CSMD1: variants seen among roughly 807,000 people sequenced by gnomAD.
The protein encoded by CSMD1 is CUB and sushi domain-containing protein 1.
In CSMD1, 213 loss-of-function variants were observed where a neutral mutation model predicts 417.5. The observed-to-expected ratio is 0.51, with a 90% CI of 0.46 to 0.57. The LOEUF is 0.57. CSMD1 is among the 20% of genes least tolerant of loss of function. CSMD1 has a pLI of 0.00. For missense variants in CSMD1, 6,923 were observed against 4,529.7 expected, an observed-to-expected ratio of 1.53 and a Z score of -15.17; for synonymous variants, 2,862 against 1,736.8, an observed-to-expected ratio of 1.65 and a Z score of -16.11.
intron 2 of CSMD1, among the ~76,000 whole-genome samples, chr8:4,596,786 C>T (rs1800302513): frequency 6.6e-6 from 1 of 152,192 alleles, no homozygotes; most frequent in African/African-American, 2.4e-5. Flanking sequence ...CAAATCTCAA[C>T]TTGAATTCTA....
At chr8:4,031,501 C>T (rs968388127) in intron 4 of CSMD1, among the ~76,000 whole-genome samples, 4 of 152,134 alleles carry the variant, frequency 2.6e-5, no homozygotes, top group African/African-American at 4.8e-5. Context: ...CAATTACCTT[C>T]TACCAGGTTC....
chr8:3,461,793 T>C (rs1816521924), intron 12 of CSMD1, among the ~76,000 whole-genome samples: 1 of 152,190 alleles, frequency 6.6e-6, no homozygotes, highest in Non-Finnish European at 1.5e-5. Context: ...GGGACTCTCT[T>C]ACGTGTGATA....
At chr8:3,087,547 A>G (rs879944895) in intron 48 of CSMD1, among the ~76,000 whole-genome samples, 15 of 152,226 alleles carry the variant, frequency 9.9e-5, no homozygotes, top group Admixed American at 4.6e-4. Flanking sequence ...AGAAACATCA[A>G]GAGTATCCAA....
At chr8:3,951,536 A>G (rs1163824650) in intron 5 of CSMD1, among the ~76,000 whole-genome samples, 1 of 152,198 alleles carries the variant, frequency 6.6e-6, no homozygotes, top group Non-Finnish European at 1.5e-5. Context: ...TGTAAATATG[A>G]TGATCTATCT....
At chr8:3,529,576 G>T (rs973188803) in intron 10 of CSMD1, among the ~76,000 whole-genome samples, 2 of 152,184 alleles carry the variant, frequency 1.3e-5, no homozygotes, top group African/African-American at 4.8e-5. Flanking sequence ...TGGAAGAGTA[G>T]AATCACAGGA....
At chr8:3,459,377 G>C (rs938994742) in intron 12 of CSMD1, among the ~76,000 whole-genome samples, 1 of 152,170 alleles carries the variant, frequency 6.6e-6, no homozygotes, top group Non-Finnish European at 1.5e-5. Flanking sequence ...GAATCGCACG[G>C]TGGATCCTTC....
At chr8:4,415,890 G>C (rs73658854) in intron 3 of CSMD1, among the ~76,000 whole-genome samples, 7,385 of 152,178 alleles carry the variant, frequency 0.049, 597 homozygotes, top group African/African-American at 0.17. Context: ...AGTGTATAAG[G>C]ATTGCAACTT....
At chr8:4,064,336 T>G (rs117757914) in intron 3 of CSMD1, among the ~76,000 whole-genome samples, 4,364 of 152,340 alleles carry the variant, frequency 0.029, 76 homozygotes, top group Middle Eastern at 0.051. Context: ...CATAGTCACC[T>G]GCTCTCTTTC....
chr8:4,936,352 G>C (rs561827823), intron 1 of CSMD1, among the ~76,000 whole-genome samples: 1 of 152,084 alleles, frequency 6.6e-6, no homozygotes, highest in Admixed American at 6.6e-5. Flanking sequence ...ATAGTAAATC[G>C]GCCTGGTTAA....
At chr8:3,118,927 T>A (rs1817025553) in intron 41 of CSMD1, among the ~76,000 whole-genome samples, 1 of 134,770 alleles carries the variant, frequency 7.4e-6, no homozygotes, top group African/African-American at 2.5e-5. Flanking sequence ...ACGCCTGTAA[T>A]CCCAGCACTC....
At chr8:3,956,941 A>G (rs909558274) in intron 5 of CSMD1, among the ~76,000 whole-genome samples, 23 of 152,288 alleles carry the variant, frequency 1.5e-4, no homozygotes, top group African/African-American at 5.3e-4. Context: ...TCTAAAAAGA[A>G]TATTACTTTT....
chr8:3,729,987 T>G (rs1386106544), intron 6 of CSMD1, among the ~76,000 whole-genome samples: 1 of 106,146 alleles, frequency 9.4e-6, no homozygotes, highest in African/African-American at 4.8e-5. Flanking sequence ...GGATACATAA[T>G]AATGTTTCAA....
At chr8:3,186,113 T>A (rs567976627) in intron 36 of CSMD1, among the ~76,000 whole-genome samples, 1 of 152,242 alleles carries the variant, frequency 6.6e-6, no homozygotes, top group South Asian at 2.1e-4. Context: ...ATTTACCAAA[T>A]ATTATTTATA....
chr8:3,846,619 T>C (rs1803521963), intron 5 of CSMD1, among the ~76,000 whole-genome samples: 1 of 150,742 alleles, frequency 6.6e-6, no homozygotes, highest in Non-Finnish European at 1.5e-5. Flanking sequence ...GCAGTTATTA[T>C]CATTAACTCA....
chr8:4,138,635 T>A (rs1266083268), intron 3 of CSMD1, among the ~76,000 whole-genome samples: 1 of 143,126 alleles, frequency 7.0e-6, no homozygotes, highest in Non-Finnish European at 1.6e-5. Context: ...GGAAAAAACA[T>A]CTCTTAAGGT....
chr8:3,328,042 C>A (rs1806647345), intron 23 of CSMD1, among the ~76,000 whole-genome samples: 1 of 152,174 alleles, frequency 6.6e-6, no homozygotes, highest in Admixed American at 6.5e-5. Flanking sequence ...ACTACCCTGT[C>A]CGTCTAAAGC....
intron 4 of CSMD1, among the ~76,000 whole-genome samples, chr8:4,018,055 G>T (rs1210756715): frequency 1.4e-5 from 2 of 146,074 alleles, no homozygotes; most frequent in Admixed American, 1.3e-4. Flanking sequence ...TCACTAGTGT[G>T]GGTATGTATG....
Position 3,108,761 on chromosome 8 carries a change from G to A in CSMD1, c.6609-13C>T, listed in dbSNP as rs1274356681. ...ATCGGGACCGTCCCTAGGAAAGACA[G>A]AAAGAGGTGGCTGGCTAAGGATATT... On this transcript the variant is annotated splice_polypyrimidine_tract_variant and intron_variant, in intron 43 of 69. Coordinates refer to ENST00000635120, the MANE Select transcript of CSMD1 (RefSeq NM_033225.6). 1.2e-6 allele frequency: 2 copies of A among 1,601,648 alleles called. No homozygotes were observed. Among genetic ancestry groups the A allele is most frequent in the South Asian group, 1.1e-5 (1 of 89,594 alleles).
intron 3 of CSMD1, among the ~76,000 whole-genome samples, chr8:4,041,378 G>A (rs1213064412): frequency 6.6e-6 from 1 of 152,056 alleles, no homozygotes; most frequent in African/African-American, 2.4e-5. Context: ...GCAAAACTAT[G>A]ACAAGAATTG....
Sources: gnomAD v4.1 joint callset for allele counts (sites outside exome capture counted in the v4.1 genomes callset) on GRCh38, gnomAD v4.1.1 for gene constraint, MANE v1.5 for transcripts, NCBI Gene and HGNC (gene_info 2026-07-23, HGNC 2026-07-21) for gene names.